The following PEAK1 variants were observed in gnomAD, a reference collection of about 807,000 sequenced individuals.
PEAK1 encodes pseudopodium enriched atypical kinase 1.
Under a neutral mutation model 124.7 loss-of-function variants are expected in PEAK1, and 54 were observed. The observed-to-expected ratio is 0.43, with a 90% CI of 0.35 to 0.54. The LOEUF is 0.54. PEAK1 is among the 20% of genes least tolerant of loss of function. The pLI is 0.01. For synonymous variants in PEAK1, 719 were observed against 760.0 expected, an observed-to-expected ratio of 0.95 and a Z score of 0.89; for missense variants, 2,046 against 2,134.5, an observed-to-expected ratio of 0.96 and a Z score of 0.82.
intron 6 of PEAK1, 70 bp from the exon 7 acceptor site, chr15:77,182,110 C>T: frequency 1.6e-6 from 2 of 1,251,208 alleles, no homozygotes; most frequent in Non-Finnish European, 1.0e-6. Context: ...TTATTAGTGA[C>T]TTGAAAAAAC....
intron 1 of PEAK1, among the ~76,000 whole-genome samples, chr15:77,386,237 G>A (rs1029705568): frequency 3.3e-5 from 5 of 152,152 alleles, no homozygotes; most frequent in African/African-American, 4.8e-5. Context: ...GTGGACCCAC[G>A]AAGTACGCCT....
rs778995181 is a variant in PEAK1, at chr15:77,114,144, T to C, written c.*12A>G. ...AGGTGAAGATGTAGTAAAAGCATCA[T>C]CCAGGTACACATTAACGGTGCTGCA... On this transcript the variant is annotated 3_prime_UTR_variant, in exon 10 of 10. Transcript: ENST00000682557. 6.2e-7 allele frequency: 1 copy of C among 1,610,952 alleles called. No homozygotes were observed. Among genetic ancestry groups the C allele is most frequent in the Non-Finnish European group, 8.5e-7 (1 of 1,177,500 alleles).
chr15:77,226,062 T>TATATATATA (rs2059645661), intron 6 of PEAK1, among the ~76,000 whole-genome samples: 5 of 122,310 alleles, frequency 4.1e-5, no homozygotes, highest in African/African-American at 1.2e-4. Context: ...TATATATATA[T>TATATATATA]ATATATATAT....
chr15:77,351,482 C>T (rs539852053), intron 2 of PEAK1, among the ~76,000 whole-genome samples: 10 of 152,240 alleles, frequency 6.6e-5, no homozygotes, highest in East Asian at 1.9e-4. Flanking sequence ...GGGTATATGC[C>T]GTAAATGACT....
chr15:77,263,195 T>C (rs540363687), intron 5 of PEAK1, among the ~76,000 whole-genome samples: 3 of 151,844 alleles, frequency 2.0e-5, no homozygotes, highest in Non-Finnish European at 4.4e-5. Context: ...TTAAAAGAAC[T>C]AGAGAAGCAA....
rs373740266 is a variant in PEAK1 at position 77,180,949 on chromosome 15, G to T, written c.978C>A (p.Val326=). ...TCTGAATGCTTCCTTGTCCATAAGA[G>T]ACCACAGAATTTTCCTCATAACCAT... The part of the protein sequence containing the change: ...ILNGYEENSV[V]SYGQGSIQSM... The change falls in exon 7 of 10, where the codon GTC becomes GTA. Residue 326 remains valine (V), a synonymous_variant. Transcript: ENST00000682557. 6.2e-7 allele frequency: 1 copy of T among 1,613,996 alleles called. No homozygotes were observed.
chr15:77,359,032 A>G lies in PEAK1; in HGVS notation c.-603+6131T>C, dbSNP rs146123812. Among the ~76,000 whole-genome samples the G allele has an allele frequency of 1.5e-3, 226 of 152,308 alleles. 4 individuals are homozygous for G. The highest frequency in any genetic ancestry group is 4.9e-3 in the African/African-American group (203 of 41,560). ...ATACTTTCTGACAAAAACATTCAAC[A>G]AACTATGACTAAAAGAGAACTTCCT... On this transcript the variant is annotated intron_variant, in intron 2 of 9. Transcript: ENST00000682557.
chr15:77,312,432 C>T (rs537159482), intron 2 of PEAK1, among the ~76,000 whole-genome samples: 1 of 152,280 alleles, frequency 6.6e-6, no homozygotes, highest in African/African-American at 2.4e-5. Flanking sequence ...GGTAGGTCTT[C>T]AACAGGTATT....
intron 1 of PEAK1, chr15:77,403,896 A>C (rs2071583813): frequency 7.1e-6 from 7 of 984,668 alleles, no homozygotes; most frequent in Non-Finnish European, 8.4e-6. Flanking sequence ...AAACAGAATG[A>C]CTTTTTTTAA....
At chr15:77,175,228 C>A (rs1315940431) in intron 7 of PEAK1, among the ~76,000 whole-genome samples, 2 of 151,932 alleles carry the variant, frequency 1.3e-5, no homozygotes, top group Non-Finnish European at 2.9e-5. Flanking sequence ...AAAGCAATGG[C>A]AAGAAAAGCC....
intron 6 of PEAK1, among the ~76,000 whole-genome samples, chr15:77,231,936 T>C (rs2059926556): frequency 6.6e-6 from 1 of 152,174 alleles, no homozygotes; most frequent in Non-Finnish European, 1.5e-5. Context: ...AGATATACAG[T>C]GAAATTTGAA....
At chr15:77,364,466 A>G (rs1567310604) in intron 2 of PEAK1, among the ~76,000 whole-genome samples, 1 of 152,202 alleles carries the variant, frequency 6.6e-6, no homozygotes, top group African/African-American at 2.4e-5. Flanking sequence ...GGACAGGCTG[A>G]CATTTTTTTA....
rs1384663907 is a variant in PEAK1 at position 77,108,879 on chromosome 15, G to A, written c.*5277C>T. ...GCTGGAATAAACCCAGAGACTTTCTGGAGTGGGAAACATGTAATGGGATGT... is the reference window on the plus strand; with the variant it reads ...GCTGGAATAAACCCAGAGACTTTCTAGAGTGGGAAACATGTAATGGGATGT... On this transcript the variant is annotated 3_prime_UTR_variant, in exon 10 of 10. Coordinates refer to ENST00000682557, the MANE Select transcript of PEAK1 (RefSeq NM_001385026.1). 1.3e-5 allele frequency: 2 copies of A among 152,196 alleles called. No individual in the cohort carries two copies. Among genetic ancestry groups the A allele is most frequent in the Non-Finnish European group, 2.9e-5 (2 of 68,050 alleles). 9.4% of individuals were successfully genotyped at this position (152,196 alleles called of 1,614,324 possible).
intron 8 of PEAK1, among the ~76,000 whole-genome samples, chr15:77,153,229 T>C (rs144745967): frequency 0.077 from 11,716 of 152,296 alleles, 564 homozygotes; most frequent in Non-Finnish European, 0.1. Context: ...TGGGTGTATG[T>C]GTCGAGGAAT....
chr15:77,410,497 A>G (rs1207085937), intron 1 of PEAK1, among the ~76,000 whole-genome samples: 1 of 152,180 alleles, frequency 6.6e-6, no homozygotes, highest in Non-Finnish European at 1.5e-5. Context: ...TTACAGATTT[A>G]TTTTGTTTTA....
At chr15:77,376,919 G>A (rs1486114941) in intron 1 of PEAK1, among the ~76,000 whole-genome samples, 1 of 152,192 alleles carries the variant, frequency 6.6e-6, no homozygotes. Context: ...AAATTCATCA[G>A]TAGGTGATCA....
chr15:77,251,746 T>C (rs545415963), intron 6 of PEAK1, among the ~76,000 whole-genome samples: 1 of 150,840 alleles, frequency 6.6e-6, no homozygotes, highest in East Asian at 1.9e-4. Flanking sequence ...AATCATGCCA[T>C]GTGAATGTAC....
chr15:77,194,925 T>C (rs1015087784), intron 6 of PEAK1, among the ~76,000 whole-genome samples: 3 of 152,300 alleles, frequency 2.0e-5, no homozygotes, highest in Admixed American at 6.5e-5. Context: ...AGCACTGTAA[T>C]TGATGTTGAC....
At chr15:77,285,706 C>A (rs760683830) in intron 3 of PEAK1, among the ~76,000 whole-genome samples, 1 of 152,036 alleles carries the variant, frequency 6.6e-6, no homozygotes, top group East Asian at 1.9e-4. Flanking sequence ...CATTTGATAT[C>A]CCCTATGTCA....
Sources: allele counts gnomAD v4.1 joint callset (sites outside exome capture counted in the v4.1 genomes callset), GRCh38; gene constraint gnomAD v4.1.1; transcripts MANE v1.5; gene names NCBI Gene and HGNC (gene_info 2026-07-23, HGNC 2026-07-21).